The following HIVEP1 variants were observed in gnomAD, a reference collection of about 807,000 sequenced individuals.
HIVEP1 encodes HIVEP zinc finger 1.
Under a neutral mutation model 180.0 loss-of-function variants are expected in HIVEP1, and 36 were observed. The ratio of observed to expected loss-of-function variants is 0.20; its 90% confidence interval spans 0.15 to 0.26. The LOEUF is 0.26. Among genes scored for constraint, HIVEP1 ranks in the 10% least tolerant of loss-of-function variants. The probability of loss-of-function intolerance (pLI) is 1.00; values close to 1 mark genes in which losing one functional copy is unlikely to be tolerated. For missense variants in HIVEP1, 3,143 were observed against 3,268.7 expected, an observed-to-expected ratio of 0.96 and a Z score of 0.94; for synonymous variants, 1,239 against 1,239.0, an observed-to-expected ratio of 1.00 and a Z score of 0.00.
chr6:12,023,390 A>G (rs950921321), intron 2 of HIVEP1, among the ~76,000 whole-genome samples: 2 of 152,224 alleles, frequency 1.3e-5, no homozygotes, highest in African/African-American at 4.8e-5. Flanking sequence ...TCACATTTGA[A>G]TGTTAGGTCA....
the HIVEP1 span, among the ~76,000 whole-genome samples, chr6:12,177,920 G>C: frequency 6.6e-6 from 1 of 152,172 alleles, no homozygotes; most frequent in Non-Finnish European, 1.5e-5. Flanking sequence ...AAGAATATTT[G>C]AAAGTGTTTG....
intron 2 of HIVEP1, among the ~76,000 whole-genome samples, chr6:12,018,851 G>C (rs906563905): frequency 3.3e-5 from 5 of 152,192 alleles, no homozygotes; most frequent in African/African-American, 1.2e-4. Flanking sequence ...AGGAGACAGA[G>C]AGGCAGGATA....
the HIVEP1 span, among the ~76,000 whole-genome samples, chr6:12,176,780 G>A: frequency 2.0e-5 from 3 of 152,082 alleles, no homozygotes; most frequent in Non-Finnish European, 4.4e-5. Context: ...TCATTCTGTA[G>A]ATTGTTTACT....
chr6:12,107,105 C>G (rs1464418783), intron 3 of HIVEP1, among the ~76,000 whole-genome samples: 1 of 152,178 alleles, frequency 6.6e-6, no homozygotes, highest in East Asian at 1.9e-4. Flanking sequence ...GGCACTGTAC[C>G]TAGTGCTCCT....
chr6:12,152,021 T>C (rs1236328715), intron 7 of HIVEP1, among the ~76,000 whole-genome samples: 1 of 152,126 alleles, frequency 6.6e-6, no homozygotes, highest in Non-Finnish European at 1.5e-5. Flanking sequence ...CCAGGCATGG[T>C]GGCGGGCACC....
intron 2 of HIVEP1, among the ~76,000 whole-genome samples, chr6:12,071,857 ATC>A (rs1296016941): frequency 6.6e-6 from 1 of 152,138 alleles, no homozygotes; most frequent in African/African-American, 2.4e-5. Context: ...ATTTTTTGTA[ATC>A]TGTTTTATTT....
At chr6:12,086,470 C>A (rs1265704118) in intron 2 of HIVEP1, among the ~76,000 whole-genome samples, 1 of 152,026 alleles carries the variant, frequency 6.6e-6, no homozygotes, top group Non-Finnish European at 1.5e-5. Context: ...AAATTGTTAA[C>A]CCAGATCCCA....
chr6:12,029,313 T>C (rs1054929625), intron 2 of HIVEP1, among the ~76,000 whole-genome samples: 2 of 152,244 alleles, frequency 1.3e-5, no homozygotes, highest in Non-Finnish European at 2.9e-5. Context: ...TTTTTGTTTC[T>C]TTGAACCTCT....
chr6:12,167,627 CATGTTATATATACATATACATATAT>C (rs1363036311), downstream of HIVEP1, among the ~76,000 whole-genome samples: 5,179 of 107,782 alleles, frequency 0.048, 819 homozygotes, highest in African/African-American at 0.21. Context: ...TGTATATATA[CATGTTATATATACATATACATATAT>C]ATGTTATATA....
In HIVEP1 at chr6:12,161,481, T is replaced by C. The variant is rs754025248; in HGVS notation, c.6530T>C (p.Leu2177Pro). ...RFSYERSGYD[L>P]EESDGPDEDD... ...AGTTATGAGCGATCTGGATATGATC[T>C]TGAAGAATCTGATGGCCCAGATGAG... Residue 2177 changes from leucine to proline, a missense_variant, in exon 8 of 9, where the codon CTT becomes CCT. Physicochemically the swap from Leu to Pro is moderately conservative, Grantham distance 98. Around this residue, in one of 12 missense-constraint regions of HIVEP1, gnomAD observed 126 missense variants for 168.5 expected, o/e 0.75. Transcript: ENST00000379388. 12 of 1,613,784 alleles carry C rather than the reference T, an allele frequency of 7.4e-6. No individual in the cohort carries two copies. In the African/African-American group the frequency reaches 1.5e-4, roughly 20 times the overall value.
rs532656904 is a variant in HIVEP1, at chr6:12,151,594, T to C, written c.6488-9845T>C. 3.9e-5 allele frequency among the ~76,000 whole-genome samples: 6 copies of C among 152,314 alleles called. No homozygotes were observed. In the East Asian group the frequency reaches 9.6e-4, roughly 24 times the overall value. ...AGCGTCTTAACTTCCTTGTGGACGATGGGTGTGGTATCAACTCTGTCATGG... is the reference window on the plus strand; with the variant it reads ...AGCGTCTTAACTTCCTTGTGGACGACGGGTGTGGTATCAACTCTGTCATGG... On this transcript the variant is annotated intron_variant, in intron 7 of 8. Transcript: ENST00000379388.
the HIVEP1 span, among the ~76,000 whole-genome samples, chr6:12,170,941 T>A: frequency 1.3e-5 from 2 of 152,156 alleles, no homozygotes; most frequent in African/African-American, 2.4e-5. Context: ...TATTCTTTCT[T>A]TTTAGTTGGC....
At chr6:12,200,009 A>G in the HIVEP1 span, among the ~76,000 whole-genome samples, 1 of 152,154 alleles carries the variant, frequency 6.6e-6, no homozygotes, top group African/African-American at 2.4e-5. Context: ...TAGGCTTGAG[A>G]TGGGGACTAA....
chr6:12,174,737 A>C, the HIVEP1 span, among the ~76,000 whole-genome samples: 1 of 152,226 alleles, frequency 6.6e-6, no homozygotes, highest in African/African-American at 2.4e-5. Flanking sequence ...TTCAGTTGAA[A>C]TAGATAACAT....
At chr6:12,107,409 A>G (rs1223827445) in intron 3 of HIVEP1, among the ~76,000 whole-genome samples, 1 of 152,240 alleles carries the variant, frequency 6.6e-6, no homozygotes, top group Non-Finnish European at 1.5e-5. Flanking sequence ...TCTTGCCTCG[A>G]TGCAGATTGC....
chr6:12,205,669 A>G, the HIVEP1 span, among the ~76,000 whole-genome samples: 1 of 152,188 alleles, frequency 6.6e-6, no homozygotes, highest in Non-Finnish European at 1.5e-5. Context: ...GAGTCGTTAT[A>G]AGGGTTATAT....
chr6:12,180,149 G>T, the HIVEP1 span, among the ~76,000 whole-genome samples: 1 of 152,044 alleles, frequency 6.6e-6, no homozygotes, highest in Non-Finnish European at 1.5e-5. Flanking sequence ...ATACTATGAG[G>T]TTGGCACTCT....
the HIVEP1 span, among the ~76,000 whole-genome samples, chr6:12,205,264 T>G: frequency 1.3e-5 from 2 of 152,086 alleles, no homozygotes; most frequent in African/African-American, 4.8e-5. Flanking sequence ...GAGGTCGGGA[T>G]ATCGAGACCA....
intron 3 of HIVEP1, among the ~76,000 whole-genome samples, chr6:12,110,027 A>G (rs1473902937): frequency 1.3e-5 from 2 of 152,230 alleles, no homozygotes; most frequent in African/African-American, 2.4e-5. Flanking sequence ...TTGAATGACA[A>G]GGTTTATTCA....
Sources: gnomAD v4.1 joint callset for allele counts (sites outside exome capture counted in the v4.1 genomes callset) on GRCh38, gnomAD v4.1.1 for gene constraint, gnomAD v4.1.1 regional missense constraint, MANE v1.5 for transcripts, NCBI Gene and HGNC (gene_info 2026-07-23, HGNC 2026-07-21) for gene names.